Variants in MITF observed in about 807,000 individuals in gnomAD.
MITF encodes microphthalmia-associated transcription factor.
MITF carries 17 observed loss-of-function variants against 60.5 expected under a neutral mutation model. The ratio of observed to expected loss-of-function variants is 0.28; its 90% confidence interval spans 0.19 to 0.42. The LOEUF (loss-of-function observed/expected upper bound fraction) is 0.42. MITF is among the 10% of genes least tolerant of loss of function. The pLI, the probability that MITF is intolerant of heterozygous loss-of-function variation, is 1.00. For missense variants in MITF, 622 were observed against 683.5 expected (o/e 0.91, Z 1.00); for synonymous variants, 260 against 248.5 (o/e 1.05, Z -0.43).
chr3:69,964,658 C>T (rs548130346), intron 9 of MITF, among the ~76,000 whole-genome samples, 189 bp from the exon 10 acceptor site: 1 of 79,330 alleles, frequency 1.3e-5, no homozygotes, highest in African/African-American at 5.4e-5. Context: ...TCAATGAACC[C>T]GCAGTGACAT....
chr3:69,847,598 C>G (rs1056961875), intron 1 of MITF, among the ~76,000 whole-genome samples: 10 of 152,096 alleles, frequency 6.6e-5, no homozygotes, highest in African/African-American at 2.4e-4. Context: ...GTTACAGAAA[C>G]AGAAGTATGA....
At chr3:69,922,460 T>C (rs775425193) in intron 2 of MITF, among the ~76,000 whole-genome samples, 1 of 152,210 alleles carries the variant, frequency 6.6e-6, no homozygotes, top group African/African-American at 2.4e-5. Flanking sequence ...GACGTTGTGA[T>C]CCACCTGCCT....
chr3:69,891,883 T>G (rs1488610449), intron 2 of MITF, among the ~76,000 whole-genome samples: 2 of 152,224 alleles, frequency 1.3e-5, no homozygotes, highest in East Asian at 3.9e-4. Context: ...CATTCTATTA[T>G]GTGCATATAT....
chr3:69,874,428 A>G (rs943279658), intron 1 of MITF, among the ~76,000 whole-genome samples: 23 of 152,200 alleles, frequency 1.5e-4, no homozygotes, highest in African/African-American at 5.1e-4. Context: ...TTTTACCACT[A>G]ATTTTTGAAC....
intron 5 of MITF, among the ~76,000 whole-genome samples, chr3:69,943,150 T>A (rs1048133499): frequency 6.6e-5 from 10 of 150,756 alleles, no homozygotes; most frequent in Admixed American, 6.6e-4. Flanking sequence ...GCTCAAGTGA[T>A]CTTCCTCCCT....
chr3:69,953,668 G>C, intron 7 of MITF, among the ~76,000 whole-genome samples: 1 of 140,992 alleles, frequency 7.1e-6, no homozygotes, highest in African/African-American at 2.7e-5. Flanking sequence ...TATATAGAGA[G>C]AGAGAGAGAG....
intron 2 of MITF, among the ~76,000 whole-genome samples, chr3:69,890,925 A>G (rs1308590694): frequency 6.6e-6 from 1 of 152,204 alleles, no homozygotes; most frequent in African/African-American, 2.4e-5. Flanking sequence ...GTGCAATTAC[A>G]AAAAGCAAGA....
At chr3:69,770,597 C>T (rs1298824601) in intron 1 of MITF, among the ~76,000 whole-genome samples, 2 of 152,192 alleles carry the variant, frequency 1.3e-5, no homozygotes, top group Non-Finnish European at 2.9e-5. Context: ...TCAATTCAAT[C>T]AGCATTTACT....
chr3:69,889,191 A>G (rs1461964099), intron 2 of MITF, among the ~76,000 whole-genome samples: 1 of 151,898 alleles, frequency 6.6e-6, no homozygotes, highest in Non-Finnish European at 1.5e-5. Context: ...TTTGAATGCC[A>G]GATTCCCATT....
In MITF at chr3:69,965,652, AG is replaced by A. The variant is rs1334021464; in HGVS notation, c.*405del. On this transcript the variant is annotated 3_prime_UTR_variant, in exon 10 of 10. Transcript: ENST00000352241. ...TTGAAAGAATGTAAAGCAACCAAAA[AG>A]AAAAAAAAAAAGAAAGAAAGAGGAA... is the stretch of plus-strand genomic sequence containing the variant. The A allele has an allele frequency of 3.6e-5, 9 of 250,134 alleles. No homozygotes were observed. The highest frequency in any genetic ancestry group is 1.9e-4 in the Admixed American group (4 of 20,656). 15.5% of individuals were successfully genotyped at this position (250,134 alleles called of 1,614,324 possible). A position where few individuals can be genotyped will look rare whatever the true frequency, so the allele number is the denominator to read the frequency against.
At chr3:69,864,742 C>T (rs573036195) in intron 1 of MITF, among the ~76,000 whole-genome samples, 101 of 145,130 alleles carry the variant, frequency 7.0e-4, no homozygotes, top group African/African-American at 2.4e-3. Flanking sequence ...GTAGGTCTCA[C>T]GGGCACCATG....
intron 1 of MITF, among the ~76,000 whole-genome samples, chr3:69,770,503 G>T (rs2062376560): frequency 6.6e-6 from 1 of 152,164 alleles, no homozygotes; most frequent in Non-Finnish European, 1.5e-5. Flanking sequence ...TACAATTCAA[G>T]TTAATTTTTA....
intron 2 of MITF, among the ~76,000 whole-genome samples, chr3:69,880,777 G>A (rs149043349): frequency 1.6e-3 from 245 of 152,060 alleles, no homozygotes; most frequent in Middle Eastern, 3.4e-3. Context: ...ATTTAAAATT[G>A]TATGAATTAA....
At chr3:69,920,812 G>T (rs889432956) in intron 2 of MITF, among the ~76,000 whole-genome samples, 4 of 152,152 alleles carry the variant, frequency 2.6e-5, no homozygotes, top group Admixed American at 1.3e-4. Flanking sequence ...TCTTTGTCTT[G>T]TGTCTTTATT....
intron 1 of MITF, among the ~76,000 whole-genome samples, chr3:69,878,519 C>T (rs563455875): frequency 6.6e-6 from 1 of 152,244 alleles, no homozygotes; most frequent in South Asian, 2.1e-4. Context: ...CTTGTCAGAC[C>T]AGCTCGTCTT....
intron 1 of MITF, among the ~76,000 whole-genome samples, chr3:69,860,612 A>G (rs535699410): frequency 2.0e-5 from 3 of 152,030 alleles, no homozygotes; most frequent in African/African-American, 7.2e-5. Flanking sequence ...AAAAAAAAAA[A>G]AAAAAAAAAA....
intron 1 of MITF, among the ~76,000 whole-genome samples, chr3:69,795,937 A>G (rs540089939): frequency 1.3e-5 from 2 of 152,308 alleles, no homozygotes; most frequent in Non-Finnish European, 2.9e-5. Flanking sequence ...TACATCATAA[A>G]TCAAATCCAC....
intron 1 of MITF, among the ~76,000 whole-genome samples, chr3:69,743,623 G>C (rs1044770219): frequency 6.6e-6 from 1 of 152,194 alleles, no homozygotes. Flanking sequence ...TGTGGGAAAA[G>C]GTTCCAATGA....
At chr3:69,792,792 A>C (rs2062761881) in intron 1 of MITF, among the ~76,000 whole-genome samples, 1 of 151,836 alleles carries the variant, frequency 6.6e-6, no homozygotes, top group South Asian at 2.1e-4. Flanking sequence ...TTTATTCATA[A>C]AATTCCTTAT....
Sources: gnomAD v4.1 joint callset for allele counts (sites outside exome capture counted in the v4.1 genomes callset) on GRCh38, gnomAD v4.1.1 for gene constraint, MANE v1.5 for transcripts, NCBI Gene and HGNC (gene_info 2026-07-23, HGNC 2026-07-21) for gene names.